The following VWA2 variants were observed in gnomAD, a reference collection of about 807,000 sequenced individuals.
The protein encoded by VWA2 is von Willebrand factor A domain-containing protein 2.
In VWA2, 73 loss-of-function variants were observed where a neutral mutation model predicts 70.4. The ratio of observed to expected loss-of-function variants is 1.04; its 90% CI spans 0.86 to 1.26. The LOEUF (loss-of-function observed/expected upper bound fraction) is 1.26, where lower values mean the gene tolerates loss of function less well. VWA2 is among the 50% of genes most tolerant of loss of function. The pLI, the probability that VWA2 is intolerant of heterozygous loss-of-function variation, is 0.00. For missense variants in VWA2, 1,011 were observed against 998.5 expected, an observed-to-expected ratio of 1.01 and a Z score of -0.17; for synonymous variants, 407 against 423.3, an observed-to-expected ratio of 0.96 and a Z score of 0.47.
At chr10:114,270,143 T>C (rs1490595890) in intron 5 of VWA2, among the ~76,000 whole-genome samples, 1 of 152,172 alleles carries the variant, frequency 6.6e-6, no homozygotes, top group African/African-American at 2.4e-5. Flanking sequence ...GGAAAGAGTA[T>C]TGGCTTCAAA....
chr10:114,291,701 C>T lies in VWA2; in HGVS notation c.*464C>T, dbSNP rs142636620. Among the ~76,000 whole-genome samples the T allele has an allele frequency of 3.2e-4, 49 of 152,322 alleles. No homozygotes were observed. The highest frequency in any genetic ancestry group is 8.4e-4 in the African/African-American group (35 of 41,566). ...AGCATCCTTTGGACGGCGAAGGCCA[C>T]GGCCTTTCAAGATGGAAAGCAGCAG... On this transcript the variant is annotated 3_prime_UTR_variant, in exon 14 of 14. Transcript: ENST00000392982.
chr10:114,291,963 C>T lies in VWA2; in HGVS notation c.*726C>T, dbSNP rs2039642772. ...ATCGTTCTGAGTCGTGAGCAGTGTC[C>T]ACCTGAAGGGTCTTCCTTTCAAAAG... On this transcript the variant is annotated 3_prime_UTR_variant, in exon 14 of 14. Coordinates refer to ENST00000392982, the MANE Select transcript of VWA2 (RefSeq NM_001272046.2). Among the ~76,000 whole-genome samples, 1 of 152,120 alleles carries T rather than the reference C, an allele frequency of 6.6e-6. No individual in the cohort carries two copies. The highest frequency in any genetic ancestry group is 1.5e-5 in the Non-Finnish European group (1 of 68,032).
chr10:114,272,879 A>C lies in VWA2; in HGVS notation c.511A>C (p.Lys171Gln). The C allele has an allele frequency of 1.2e-6, 2 of 1,613,850 alleles. No individual in the cohort carries two copies. The highest frequency in any genetic ancestry group is 1.7e-6 in the Non-Finnish European group (2 of 1,179,856). The change falls in exon 6 of 14, where the codon AAG (lysine) becomes CAG (glutamine). Residue 171 changes from lysine to glutamine, a missense_variant. Transcript: ENST00000392982. ...CCAGGGGGATGTGGCACTGCCATCC[A>C]AGCAGCTGAAGGAAAGGGGTGTCAC... Reference protein sequence around the residue: ...KSQGDVALPSKQLKERGVTVF... With the variant: ...KSQGDVALPSQQLKERGVTVF...
chr10:114,285,873 C>A, intron 10 of VWA2, 66 bp from the exon 11 acceptor site: 1 of 1,462,418 alleles, frequency 6.8e-7, no homozygotes, highest in South Asian at 1.4e-5. Flanking sequence ...TTCGGCATCT[C>A]GGGTGGGACA....
At chr10:114,289,697 T>C in intron 12 of VWA2, 1 of 605,852 alleles carries the variant, frequency 1.7e-6, no homozygotes, top group Middle Eastern at 4.0e-4. Flanking sequence ...ACAGAAAGTT[T>C]AACTAACATA....
rs2038867513 is a variant in VWA2 at position 114,286,204 on chromosome 10, G to GA, written c.1264dup (p.Thr422AsnfsTer26). On this transcript the variant is annotated frameshift_variant, in exon 11 of 14. Transcript: ENST00000392982. LOFTEE classifies it high-confidence loss of function. ...TTCCCTTCCGTGGTGGCCCCACCCT[G>GA]ACGGGCAGTGCCTTGCGGCAGGCGG... is the stretch of plus-strand genomic sequence containing the variant. 6.2e-7 allele frequency: 1 copy of GA among 1,613,996 alleles called. No homozygotes were observed. Among genetic ancestry groups the GA allele is most frequent in the East Asian group, 2.2e-5 (1 of 44,870 alleles).
At chr10:114,258,878 T>G (rs1281501896) in intron 4 of VWA2, among the ~76,000 whole-genome samples, 1 of 152,234 alleles carries the variant, frequency 6.6e-6, no homozygotes, top group Non-Finnish European at 1.5e-5. Context: ...CCTCACATTT[T>G]CATGGAAATC....
chr10:114,261,806 TAAAG>T (rs2037450321), intron 5 of VWA2, among the ~76,000 whole-genome samples: 1 of 152,190 alleles, frequency 6.6e-6, no homozygotes, highest in South Asian at 2.1e-4. Flanking sequence ...TGCATTGCTA[TAAAG>T]AAATACCTGA....
In VWA2 at chr10:114,288,743, C is replaced by A. The variant is rs185210558; in HGVS notation, c.1571-195C>A. ...AGGAAGTCTGGGAAATGTGGTCTGGCAGGCACTCATCTTCCTGCTAATATT... is the reference window on the plus strand; with the variant it reads ...AGGAAGTCTGGGAAATGTGGTCTGGAAGGCACTCATCTTCCTGCTAATATT... On this transcript the variant is annotated intron_variant, in intron 11 of 13. Transcript: ENST00000392982. 2.6e-5 allele frequency among the ~76,000 whole-genome samples: 4 copies of A among 152,366 alleles called. No individual in the cohort carries two copies. In the East Asian group the frequency reaches 5.8e-4, roughly 22 times the overall value.
Position 114,282,669 on chromosome 10 carries a change from T to G in VWA2, c.889+98T>G. 8 of 1,066,324 alleles carry G rather than the reference T, an allele frequency of 7.5e-6. No individual in the cohort carries two copies. The South Asian group carries it at 1.0e-4, about 14-fold the overall frequency. 66.1% of individuals were successfully genotyped at this position (1,066,324 alleles called of 1,614,324 possible). Reference sequence around the variant, plus strand: ...ACAATCCTGGGACAGAGGGTGGGGTTGTGACTGGCTCCAGGGCAGAGGGAT... The same window carrying G: ...ACAATCCTGGGACAGAGGGTGGGGTGGTGACTGGCTCCAGGGCAGAGGGAT... On this transcript the variant is annotated intron_variant, in intron 9 of 13. Coordinates refer to ENST00000392982, the MANE Select transcript of VWA2 (RefSeq NM_001272046.2).
At position 114,285,816 on chromosome 10, in the gene VWA2, C is replaced by T; in HGVS notation, c.998-123C>T. The T allele has an allele frequency of 3.6e-6, 4 of 1,102,418 alleles. No homozygotes were observed. In the South Asian group the frequency reaches 6.7e-5, roughly 18 times the overall value. 68.3% of individuals were successfully genotyped at this position (1,102,418 alleles called of 1,614,324 possible). A position where few individuals can be genotyped will look rare whatever the true frequency, so the allele number is the denominator to read the frequency against. On this transcript the variant is annotated intron_variant, in intron 10 of 13. Transcript: ENST00000392982. The stretch of plus-strand genomic sequence containing the variant: ...CTGTGACGAGCACGGGTCACTTAAG[C>T]TTGGGGGGCCCACAGTTTCTCTGCA...
Position 114,291,384 on chromosome 10 carries a change from C to T in VWA2, c.*147C>T, listed in dbSNP as rs1208287647. ...CTGCTTCCCGCCGTGGCCAGGACCA[C>T]TATTCTCACTGAGGGAGGAGGATGT... On this transcript the variant is annotated 3_prime_UTR_variant, in exon 14 of 14. Transcript: ENST00000392982. 4.4e-6 allele frequency: 4 copies of T among 909,542 alleles called. No homozygotes were observed. The African/African-American group carries it at 5.1e-5, about 12-fold the overall frequency. The allele number at this position is 909,542 out of a possible 1,614,324, so 56.3% of individuals were successfully genotyped here. A position where few individuals can be genotyped will look rare whatever the true frequency, so the allele number is the denominator to read the frequency against.
intron 3 of VWA2, among the ~76,000 whole-genome samples, chr10:114,254,268 C>T (rs754478736): frequency 5.3e-5 from 8 of 151,780 alleles, no homozygotes; most frequent in South Asian, 2.1e-4. Flanking sequence ...GATGGGGTTT[C>T]GCCATGTTAC....
intron 8 of VWA2, chr10:114,281,090 C>G (rs2038075131): frequency 6.6e-6 from 1 of 152,148 alleles, no homozygotes. Flanking sequence ...GGCGTGTACT[C>G]CATTTTACCC....
rs140499668 is a variant in VWA2, at chr10:114,286,200, C to A, written c.1259C>A (p.Thr420Asn). 248 of 1,613,988 alleles carry A rather than the reference C, an allele frequency of 1.5e-4. No homozygotes were observed. Among genetic ancestry groups the A allele is most frequent in the Admixed American group, 1.0e-3 (61 of 60,034 alleles). ...GGCATTCCCTTCCGTGGTGGCCCCA[C>A]CCTGACGGGCAGTGCCTTGCGGCAG... Reference protein sequence around the residue: ...LDGIPFRGGPTLTGSALRQAA... With the variant: ...LDGIPFRGGPNLTGSALRQAA... The change falls in exon 11 of 14, where the codon ACC becomes AAC. Residue 420 changes from threonine (T) to asparagine (N), a missense_variant. Physicochemically the swap from Thr to Asn is moderately conservative, Grantham distance 65 (BLOSUM62 0). Transcript: ENST00000392982.
chr10:114,279,990 T>C (rs1314995443), intron 8 of VWA2, among the ~76,000 whole-genome samples: 3 of 152,210 alleles, frequency 2.0e-5, no homozygotes, highest in Admixed American at 2.0e-4. Flanking sequence ...AGTGTATACT[T>C]CCTGGGCCTT....
Position 114,272,766 on chromosome 10 carries a change from C to T in VWA2, c.398C>T (p.Ala133Val). Reference protein sequence around the residue: ...FKGGRTETELALKYLLHRGLP... With the variant: ...FKGGRTETELVLKYLLHRGLP... ...GGAGGGCGCACGGAGACGGAACTTGCTCTGAAATACCTTCTGCACAGAGGG... is the reference window on the plus strand; with the variant it reads ...GGAGGGCGCACGGAGACGGAACTTGTTCTGAAATACCTTCTGCACAGAGGG... Residue 133 changes from alanine to valine, a missense_variant, in exon 6 of 14, where the codon GCT becomes GTT. Physicochemically the swap from Ala to Val is moderately conservative, Grantham distance 64. Transcript: ENST00000392982. 6.2e-7 allele frequency: 1 copy of T among 1,610,460 alleles called. No homozygotes were observed. Among genetic ancestry groups the T allele is most frequent in the Non-Finnish European group, 8.5e-7 (1 of 1,178,038 alleles).
chr10:114,272,042 C>G (rs1223176415), intron 5 of VWA2, among the ~76,000 whole-genome samples: 3 of 152,218 alleles, frequency 2.0e-5, no homozygotes, highest in African/African-American at 7.2e-5. Flanking sequence ...CAGGAGCCTC[C>G]TAATTTGAGA....
At chr10:114,259,109 TAAA>T (rs977230820) in intron 4 of VWA2, among the ~76,000 whole-genome samples, 5 of 152,344 alleles carry the variant, frequency 3.3e-5, no homozygotes, top group African/African-American at 7.2e-5. Flanking sequence ...CAATAAATAT[TAAA>T]AAATTGCCTT....
Sources: gnomAD v4.1 joint callset for allele counts (sites outside exome capture counted in the v4.1 genomes callset) on GRCh38, gnomAD v4.1.1 for gene constraint, MANE v1.5 for transcripts, NCBI Gene and HGNC (gene_info 2026-07-23, HGNC 2026-07-21) for gene names.